BPTF: variants seen among roughly 807,000 people sequenced by gnomAD.
BPTF encodes nucleosome-remodeling factor subunit BPTF.
BPTF carries 18 observed loss-of-function variants against 292.5 expected under a neutral mutation model. The ratio of observed to expected loss-of-function variants is 0.06; its 90% confidence interval spans 0.04 to 0.09. BPTF has a LOEUF of 0.09. Ranked by LOEUF, BPTF falls within the 10% of genes least tolerant of loss-of-function variation. BPTF has a pLI of 1.00. For synonymous variants in BPTF, 1,225 were observed against 1,251.9 expected (o/e 0.98, Z 0.45); for missense variants, 2,726 against 3,498.7 (o/e 0.78, Z 5.57).
chr17:67,850,918 A>C (rs1485868978), intron 1 of BPTF, among the ~76,000 whole-genome samples: 1 of 152,222 alleles, frequency 6.6e-6, no homozygotes, highest in Non-Finnish European at 1.5e-5. Context: ...TTTAAGGGTA[A>C]ACAAGCTTTA....
At position 67,911,301 on chromosome 17, in the gene BPTF, A is replaced by T. The variant is rs2062636755; in HGVS notation, c.3417A>T (p.Gly1139=). Residue 1139 remains glycine, a synonymous_variant, in exon 11 of 28, where the codon GGA becomes GGT. Coordinates refer to ENST00000306378, the MANE Select transcript of BPTF (RefSeq NM_182641.4). ...NNDQPEDLIQ[G]CSESDSSVLR... is the part of the protein sequence containing the mutation. ...ATCAACCTGAGGACTTGATTCAGGGATGTTCAGAAAGTGATTCCTCAGTTC... is the reference window on the plus strand; with the variant it reads ...ATCAACCTGAGGACTTGATTCAGGGTTGTTCAGAAAGTGATTCCTCAGTTC... 6.2e-7 allele frequency: 1 copy of T among 1,614,018 alleles called. No homozygotes were observed. The highest frequency in any genetic ancestry group is 1.3e-5 in the African/African-American group (1 of 74,940).
chr17:67,851,000 G>T (rs1054205616), intron 1 of BPTF, among the ~76,000 whole-genome samples: 2 of 152,124 alleles, frequency 1.3e-5, no homozygotes, highest in African/African-American at 4.8e-5. Context: ...TAAGCAAATT[G>T]TAATGGAAAG....
rs548863133 is a variant in BPTF, at chr17:67,943,042, A to G, written c.6478-1108A>G. ...AACCTCAGTGGCCTTATATATACCT[A>G]AGATACATACCGAAGTAGTAATGAA... On this transcript the variant is annotated intron_variant, in intron 19 of 27. Coordinates refer to ENST00000306378, the MANE Select transcript of BPTF (RefSeq NM_182641.4). 2.0e-5 allele frequency among the ~76,000 whole-genome samples: 3 copies of G among 152,216 alleles called. No homozygotes were observed. The South Asian group carries it at 6.2e-4, about 32-fold the overall frequency.
At chr17:67,918,578 C>A (rs762476976) in intron 11 of BPTF, 136 bp from the exon 12 acceptor site, 53 of 735,892 alleles carry the variant, frequency 7.2e-5, no homozygotes, top group Non-Finnish European at 9.3e-5. Context: ...CAAAGTCTTA[C>A]AAAACCATAT....
chr17:67,833,504 G>A (rs2056893336), intron 1 of BPTF, among the ~76,000 whole-genome samples: 1 of 151,186 alleles, frequency 6.6e-6, no homozygotes, highest in African/African-American at 2.4e-5. Context: ...CTGTACGTAT[G>A]TTTTCATTTC....
chr17:67,887,055 A>G (rs1298818536), intron 4 of BPTF, among the ~76,000 whole-genome samples: 1 of 152,338 alleles, frequency 6.6e-6, no homozygotes, highest in African/African-American at 2.4e-5. Context: ...AGTGATGGCT[A>G]CTGCTTAATT....
At chr17:67,869,236 A>G (rs2059564507) in intron 3 of BPTF, among the ~76,000 whole-genome samples, 1 of 152,202 alleles carries the variant, frequency 6.6e-6, no homozygotes, top group Non-Finnish European at 1.5e-5. Flanking sequence ...GTGAGATAGG[A>G]TTTTATAAAG....
Position 67,975,890 on chromosome 17 carries a change from A to G in BPTF, c.8658A>G (p.Pro2886=), listed in dbSNP as rs2069348304. ...GTTACTACAATCCAAGTGACTCCCCATTTTACCAGTGTGCAGAAGTTCTCG... is the reference window on the plus strand; with the variant it reads ...GTTACTACAATCCAAGTGACTCCCCGTTTTACCAGTGTGCAGAAGTTCTCG... The part of the protein sequence containing the change: ...NCRYYNPSDS[P]FYQCAEVLES... The change falls in exon 27 of 28, where the codon CCA becomes CCG. Residue 2886 remains proline (P), a synonymous_variant. Coordinates refer to ENST00000306378, the MANE Select transcript of BPTF (RefSeq NM_182641.4). The G allele has an allele frequency of 6.2e-7, 1 of 1,613,876 alleles. No individual in the cohort carries two copies. Among genetic ancestry groups the G allele is most frequent in the Non-Finnish European group, 8.5e-7 (1 of 1,180,000 alleles).
At chr17:67,979,498 C>T (rs528205729) in intron 27 of BPTF, among the ~76,000 whole-genome samples, 76 of 152,012 alleles carry the variant, frequency 5.0e-4, no homozygotes, top group African/African-American at 1.7e-3. Flanking sequence ...GCACCAAGAC[C>T]GCGCCACTGC....
In BPTF at chr17:67,826,561, C is replaced by T. The variant is rs181422961; in HGVS notation, c.613+224C>T. ...GATTGCATTGTTGCAGTTTGCAGGC[C>T]ACACTCGCTCGCTCTCTCTCCCCCC... is the stretch of plus-strand genomic sequence containing the variant. On this transcript the variant is annotated intron_variant, in intron 1 of 27. Coordinates refer to ENST00000306378, the MANE Select transcript of BPTF (RefSeq NM_182641.4). 3.5e-3 allele frequency among the ~76,000 whole-genome samples: 516 copies of T among 149,190 alleles called. 5 individuals are homozygous for T. Among genetic ancestry groups the T allele is most frequent in the Middle Eastern group, 0.027 (8 of 292 alleles).
intron 23 of BPTF, among the ~76,000 whole-genome samples, chr17:67,952,941 A>G (rs1555679096): frequency 1.3e-5 from 2 of 152,090 alleles, no homozygotes; most frequent in African/African-American, 4.8e-5. Context: ...GAATATATCA[A>G]TAAAGTTTTT....
rs1567907331 is a variant in BPTF, at chr17:67,854,673, C to T, written c.1347C>T (p.Ile449=). 1 of 1,613,894 alleles carries T rather than the reference C, an allele frequency of 6.2e-7. No individual in the cohort carries two copies. The highest frequency in any genetic ancestry group is 2.2e-5 in the East Asian group (1 of 44,872). The change falls in exon 2 of 28, where the codon ATC becomes ATT. Residue 449 remains isoleucine (I), a synonymous_variant. Coordinates refer to ENST00000306378, the MANE Select transcript of BPTF (RefSeq NM_182641.4). This position sits in a 1 kb window ranked among gnomAD's most constrained non-coding sequence, Gnocchi z 5.6. The part of the protein sequence containing the change: ...VPGVTDCVAE[I]QKNKPYIRHE... ...GTGTGACTGACTGTGTTGCTGAAATCCAAAAAAATAAACCATATATTCGAC... is the reference window on the plus strand; with the variant it reads ...GTGTGACTGACTGTGTTGCTGAAATTCAAAAAAATAAACCATATATTCGAC...
At position 67,893,803 on chromosome 17, in the gene BPTF, A is replaced by T. The variant is rs145444712; in HGVS notation, c.2411+78A>T. 7.5e-4 allele frequency: 1,007 copies of T among 1,336,754 alleles called. 2 individuals carry two copies. The highest frequency in any genetic ancestry group is 3.4e-3 in the East Asian group (147 of 43,092). The allele number at this position is 1,336,754 out of a possible 1,614,324, so 82.8% of individuals were successfully genotyped here. A position where few individuals can be genotyped will look rare whatever the true frequency, so the allele number is the denominator to read the frequency against. ...AATGATTGTTGTAGTTGTGCATTTG[A>T]AAACGTCATTACCAATGAGTTGAAT... is the stretch of plus-strand genomic sequence containing the variant. On this transcript the variant is annotated intron_variant, in intron 6 of 27. Transcript: ENST00000306378.
Position 67,854,172 on chromosome 17 carries a change from C to T in BPTF, c.846C>T (p.Leu282=), listed in dbSNP as rs747783727. 69 of 1,614,108 alleles carry T rather than the reference C, an allele frequency of 4.3e-5. No homozygotes were observed. Among genetic ancestry groups the T allele is most frequent in the Non-Finnish European group, 5.8e-5 (68 of 1,180,052 alleles). Residue 282 remains leucine (L), a synonymous_variant, in exon 2 of 28, where the codon CTC becomes CTT. Coordinates refer to ENST00000306378, the MANE Select transcript of BPTF (RefSeq NM_182641.4). This position sits in a 1 kb window ranked among gnomAD's most constrained non-coding sequence, Gnocchi z 5.6. The stretch of plus-strand genomic sequence containing the variant: ...TGGTGAGCCAAGAGCAGTGCACACT[C>T]ATGGCAGAGATGCATGTTGTGCTTT... The part of the protein sequence containing the change: ...AALVSQEQCT[L]MAEMHVVLLK...
intron 7 of BPTF, among the ~76,000 whole-genome samples, chr17:67,896,829 A>C (rs1196355349): frequency 1.3e-5 from 2 of 152,238 alleles, no homozygotes; most frequent in African/African-American, 4.8e-5. Context: ...GCTAGCTTTT[A>C]GTGCTTATAT....
chr17:67,947,091 C>T (rs2065867321), intron 21 of BPTF, among the ~76,000 whole-genome samples: 1 of 152,212 alleles, frequency 6.6e-6, no homozygotes, highest in Admixed American at 6.5e-5. Flanking sequence ...CCTCTTAAAA[C>T]CCTTCTCTTT....
Position 67,982,265 on chromosome 17 carries a change from A to C in BPTF, c.8740A>C (p.Lys2914Gln), listed in dbSNP as rs781889476. 1 of 1,611,802 alleles carries C rather than the reference A, an allele frequency of 6.2e-7. No individual in the cohort carries two copies. The highest frequency in any genetic ancestry group is 1.1e-5 in the South Asian group (1 of 90,822). The change falls in exon 28 of 28, where the codon AAA (lysine) becomes CAA (glutamine). Residue 2914 changes from lysine (K) to glutamine (Q), a missense_variant. Lys to Gln is a moderately conservative substitution (Grantham distance 53, BLOSUM62 1). Transcript: ENST00000306378. ...GFKASRSHNNKLQSTAS is the reference protein window; with the variant it reads ...GFKASRSHNNQLQSTAS The stretch of plus-strand genomic sequence containing the variant: ...TATATTCTGTAGGTCTCATAACAAC[A>C]AACTGCAGTCTACAGCTTCTTAAAG...
chr17:67,966,198 G>C, intron 25 of BPTF: 1 of 187,030 alleles, frequency 5.3e-6, no homozygotes, highest in South Asian at 9.4e-5. Context: ...TCACGTCTCT[G>C]CTACCTCATC....
chr17:67,958,059 CAG>C (rs1224160683), intron 23 of BPTF, among the ~76,000 whole-genome samples: 6 of 152,214 alleles, frequency 3.9e-5, no homozygotes, highest in African/African-American at 1.4e-4. Flanking sequence ...TGGCCAGACA[CAG>C]AGGCTCACGC....
Sources: gnomAD v4.1 joint callset for allele counts (sites outside exome capture counted in the v4.1 genomes callset) on GRCh38, gnomAD v4.1.1 for gene constraint, Gnocchi (gnomAD v3.1) non-coding constraint, MANE v1.5 for transcripts, NCBI Gene and HGNC (gene_info 2026-07-23, HGNC 2026-07-21) for gene names.